PPIG: variants seen among roughly 807,000 people sequenced by gnomAD.
The protein encoded by PPIG is peptidyl-prolyl cis-trans isomerase G.
PPIG carries 26 observed loss-of-function variants against 87.9 expected under a neutral mutation model. That is an observed-to-expected ratio of 0.30 (90% confidence interval 0.22 to 0.41). The LOEUF (loss-of-function observed/expected upper bound fraction) is 0.41. Ranked by LOEUF, PPIG falls within the 10% of genes least tolerant of loss-of-function variation. PPIG has a pLI of 1.00. For synonymous variants in PPIG, 308 were observed against 276.5 expected, an observed-to-expected ratio of 1.11 and a Z score of -1.13; for missense variants, 722 against 879.4, an observed-to-expected ratio of 0.82 and a Z score of 2.26.
intron 7 of PPIG, among the ~76,000 whole-genome samples, chr2:169,612,730 C>T (rs1685525100): frequency 6.6e-6 from 1 of 152,064 alleles, no homozygotes. Flanking sequence ...ATGTATATAC[C>T]ACATTTTTTG....
chr2:169,593,436 T>C (rs1005777029), intron 1 of PPIG, among the ~76,000 whole-genome samples: 2 of 152,012 alleles, frequency 1.3e-5, no homozygotes, highest in Non-Finnish European at 2.9e-5. Context: ...CCTCAGGTGA[T>C]CTACCCGCCT....
chr2:169,597,507 T>C (rs966759794), intron 1 of PPIG, among the ~76,000 whole-genome samples: 16 of 146,450 alleles, frequency 1.1e-4, no homozygotes, highest in Non-Finnish European at 1.7e-4. Flanking sequence ...CTTTTCTTTT[T>C]TTTTTTTTTG....
At chr2:169,629,589 G>T (rs934691570) in intron 9 of PPIG, among the ~76,000 whole-genome samples, 2 of 152,056 alleles carry the variant, frequency 1.3e-5, no homozygotes, top group Non-Finnish European at 2.9e-5. Flanking sequence ...TTCTATAATT[G>T]AACATACTGG....
At chr2:169,584,653 G>A in intron 1 of PPIG, 163 bp downstream of exon 1, 1 of 396,464 alleles carries the variant, frequency 2.5e-6, no homozygotes. Context: ...CCCAGAGGAA[G>A]TCCCTGAGGA....
At chr2:169,625,255 C>T (rs1574460284) in intron 9 of PPIG, among the ~76,000 whole-genome samples, 1 of 152,082 alleles carries the variant, frequency 6.6e-6, no homozygotes, top group African/African-American at 2.4e-5. Context: ...TTATTTGGTT[C>T]GAAATTCAGA....
At chr2:169,602,192 A>G (rs1239776493) in intron 1 of PPIG, among the ~76,000 whole-genome samples, 2 of 151,378 alleles carry the variant, frequency 1.3e-5, no homozygotes, top group Admixed American at 6.7e-5. Context: ...CATCCCCAGG[A>G]TATCTCGTGT....
chr2:169,637,729 C>T lies in PPIG; in HGVS notation c.*206C>T, dbSNP rs1346029729. 1.4e-5 allele frequency: 7 copies of T among 511,340 alleles called. No individual in the cohort carries two copies. The highest frequency in any genetic ancestry group is 6.9e-5 in the East Asian group (2 of 28,898). 31.7% of individuals were successfully genotyped at this position (511,340 alleles called of 1,614,324 possible). On this transcript the variant is annotated 3_prime_UTR_variant, in exon 14 of 14. Transcript: ENST00000260970. ...TGTACTGCTAAAGTTTTAATAAACT[C>T]GACATGAGAAAAACACTTTGGTGTA...
At chr2:169,614,762 A>T (rs1279470661) in intron 9 of PPIG, 38 bp downstream of exon 9, 1 of 1,558,036 alleles carries the variant, frequency 6.4e-7, no homozygotes, top group South Asian at 1.2e-5. Flanking sequence ...ATACTTACAC[A>T]TACAAAATAA....
chr2:169,595,585 G>A (rs1416206034), intron 1 of PPIG, among the ~76,000 whole-genome samples: 2 of 152,052 alleles, frequency 1.3e-5, no homozygotes, highest in Non-Finnish European at 2.9e-5. Context: ...TCTAGTAACA[G>A]TCTCTCTACT....
chr2:169,629,197 TAGCTTC>T (rs1201433104), intron 9 of PPIG, among the ~76,000 whole-genome samples: 4 of 152,208 alleles, frequency 2.6e-5, no homozygotes, highest in Non-Finnish European at 5.9e-5. Flanking sequence ...TTTCTTTAGC[TAGCTTC>T]AGGAGTTTAT....
At chr2:169,605,762 G>A (rs531558924) in intron 4 of PPIG, among the ~76,000 whole-genome samples, 8 of 152,192 alleles carry the variant, frequency 5.3e-5, no homozygotes, top group South Asian at 2.1e-4. Context: ...TCGTGCCACC[G>A]CACTGTAGCC....
chr2:169,587,710 C>T (rs1684742199), intron 1 of PPIG, among the ~76,000 whole-genome samples: 1 of 152,090 alleles, frequency 6.6e-6, no homozygotes, highest in South Asian at 2.1e-4. Context: ...GAGAAAACTG[C>T]TGTTATTGGG....
chr2:169,617,181 G>A (rs566220883), intron 9 of PPIG, among the ~76,000 whole-genome samples: 63 of 152,106 alleles, frequency 4.1e-4, no homozygotes, highest in African/African-American at 1.4e-3. Flanking sequence ...GATGTGTGGC[G>A]TTATTTCTGA....
In PPIG at chr2:169,612,937, A is replaced by G. The variant is rs921331481; in HGVS notation, c.378-1527A>G. Among the ~76,000 whole-genome samples the G allele has an allele frequency of 2.0e-5, 3 of 152,210 alleles. No homozygotes were observed. In the East Asian group the frequency reaches 5.8e-4, roughly 29 times the overall value. On this transcript the variant is annotated intron_variant, in intron 7 of 13. Transcript: ENST00000260970. ...TACTGTTTTCCATAGTGGTTGCACC[A>G]TTCTACATTCCCGTTAGCAATGTAC...
intron 2 of PPIG, 32 bp from the exon 3 acceptor site, chr2:169,603,994 T>A: frequency 3.9e-6 from 6 of 1,537,154 alleles, no homozygotes; most frequent in Non-Finnish European, 5.4e-6. Flanking sequence ...GCTATTTTAG[T>A]CTGCTTGTCT....
chr2:169,611,461 AT>A (rs1466391402), intron 7 of PPIG, among the ~76,000 whole-genome samples: 1 of 152,142 alleles, frequency 6.6e-6, no homozygotes, highest in Non-Finnish European at 1.5e-5. Flanking sequence ...ATTTTGGGAC[AT>A]TTGGTTTGCT....
chr2:169,616,019 C>A (rs555248487), intron 9 of PPIG, among the ~76,000 whole-genome samples: 1 of 152,218 alleles, frequency 6.6e-6, no homozygotes, highest in East Asian at 1.9e-4. Flanking sequence ...TGCAGACAGA[C>A]CCTGGTGTGT....
At chr2:169,634,583 T>TA (rs1686137847) in intron 12 of PPIG, among the ~76,000 whole-genome samples, 1 of 152,186 alleles carries the variant, frequency 6.6e-6, no homozygotes, top group African/African-American at 2.4e-5. Context: ...GAACCTTCTT[T>TA]AGGTTACTGA....
chr2:169,636,289 ATAAAGT>A, intron 13 of PPIG, 61 bp downstream of exon 13: 2 of 1,511,694 alleles, frequency 1.3e-6, no homozygotes, highest in Non-Finnish European at 1.8e-6. Flanking sequence ...ACTATTATAC[ATAAAGT>A]TATTGTCATT....
Sources: gnomAD v4.1 joint callset for allele counts (sites outside exome capture counted in the v4.1 genomes callset) on GRCh38, gnomAD v4.1.1 for gene constraint, MANE v1.5 for transcripts, NCBI Gene and HGNC (gene_info 2026-07-23, HGNC 2026-07-21) for gene names.